Variants in HS6ST2 observed in about 807,000 individuals in gnomAD.
HS6ST2 encodes the protein heparan-sulfate 6-O-sulfotransferase 2.
HS6ST2 carries 17 observed loss-of-function variants against 33.0 expected under a neutral mutation model. The observed-to-expected ratio is 0.52, with a 90% CI of 0.35 to 0.77. The LOEUF is 0.77. Ranked by LOEUF, HS6ST2 falls within the 30% of genes least tolerant of loss-of-function variation. The pLI, the probability that HS6ST2 is intolerant of heterozygous loss-of-function variation, is 0.01. For synonymous variants in HS6ST2, 248 were observed against 237.1 expected (o/e 1.05, Z -0.42); for missense variants, 519 against 551.7 (o/e 0.94, Z 0.59).
At chrX:132,629,191 G>A in intron 4 of HS6ST2, 98 bp from the exon 5 acceptor site, 4 of 938,884 alleles carry the variant, frequency 4.3e-6, no homozygotes, top group Admixed American at 6.6e-5. Flanking sequence ...GGCTAAAAAG[G>A]AAGGCAAAGC....
rs2063490867 is a variant in HS6ST2, at chrX:132,628,050, TAC to T, written c.*171_*172del. 2.6e-6 allele frequency: 1 copy of T among 382,610 alleles called. No homozygotes were observed. Among genetic ancestry groups the T allele is most frequent in the African/African-American group, 2.5e-5 (1 of 40,301 alleles). 31.5% of individuals were successfully genotyped at this position (382,610 alleles called of 1,213,427 possible). ...ATTCCATATTGAGATTTGTTTTACC[TAC>T]ACACAGTATAACACTGAATTGAAAG... On this transcript the variant is annotated 3_prime_UTR_variant, in exon 5 of 5. Coordinates refer to ENST00000370833, the MANE Select transcript of HS6ST2 (RefSeq NM_001394073.1).
intron 4 of HS6ST2, among the ~76,000 whole-genome samples, chrX:132,629,891 A>G (rs1284509925): frequency 8.9e-6 from 1 of 112,545 alleles, no homozygotes; most frequent in Non-Finnish European, 1.9e-5. Flanking sequence ...CTCTATCAGC[A>G]GCTTCAAAAT....
intron 2 of HS6ST2, among the ~76,000 whole-genome samples, chrX:132,902,092 C>G (rs1378234265): frequency 9.2e-6 from 1 of 108,525 alleles, no homozygotes. Flanking sequence ...ACCAGTGACA[C>G]ATATCACTCA....
At chrX:132,732,092 T>C (rs1337350749) in intron 2 of HS6ST2, among the ~76,000 whole-genome samples, 2 of 112,398 alleles carry the variant, frequency 1.8e-5, no homozygotes, top group Non-Finnish European at 3.8e-5. Context: ...AATTTTACTA[T>C]GTTAAGGTTA....
At chrX:132,812,405 A>AAAT (rs55880539) in intron 2 of HS6ST2, among the ~76,000 whole-genome samples, 24,545 of 84,576 alleles carry the variant, frequency 0.29, 3,285 homozygotes, top group Admixed American at 0.47. Flanking sequence ...ACTCTGTCTC[A>AAAT]AATAATAATA....
chrX:132,899,395 G>A (rs1484851321), intron 2 of HS6ST2, among the ~76,000 whole-genome samples: 1 of 111,522 alleles, frequency 9.0e-6, no homozygotes, highest in East Asian at 2.8e-4. Context: ...CCATTTAATA[G>A]GGGAGCTAGA....
chrX:132,705,833 T>C (rs1167746184), intron 3 of HS6ST2, among the ~76,000 whole-genome samples: 1 of 111,933 alleles, frequency 8.9e-6, no homozygotes, highest in Non-Finnish European at 1.9e-5. Flanking sequence ...AGGTAATCTA[T>C]GCATGAAGGA....
In HS6ST2 at chrX:132,808,158, G is replaced by C. The variant is rs146038822; in HGVS notation, c.948-99664C>G. The stretch of plus-strand genomic sequence containing the variant: ...AAAATCACTATCTGAATAAGACACA[G>C]GATGAATAAAAACAAGAGAGATATA... On this transcript the variant is annotated intron_variant, in intron 2 of 4. Transcript: ENST00000370833. Among the ~76,000 whole-genome samples the C allele has an allele frequency of 7.0e-3, 784 of 111,285 alleles. 5 individuals carry two copies. Among genetic ancestry groups the C allele is most frequent in the African/African-American group, 0.025 (757 of 30,617 alleles).
At chrX:132,734,909 G>A (rs145288446) in intron 2 of HS6ST2, among the ~76,000 whole-genome samples, 1,191 of 109,828 alleles carry the variant, frequency 0.011, 8 homozygotes, top group Non-Finnish European at 0.016. Flanking sequence ...GATCTGCAAA[G>A]ATACAGTATG....
chrX:132,748,073 C>G (rs1299693822), intron 2 of HS6ST2, among the ~76,000 whole-genome samples: 1 of 111,518 alleles, frequency 9.0e-6, no homozygotes, highest in Non-Finnish European at 1.9e-5. Context: ...CAAATATTTT[C>G]TTTCTTCCCC....
intron 2 of HS6ST2, among the ~76,000 whole-genome samples, chrX:132,745,239 C>T (rs1220544725): frequency 9.0e-6 from 1 of 111,565 alleles, no homozygotes; most frequent in African/African-American, 3.3e-5. Flanking sequence ...GAGCACATCA[C>T]TGTGCCCAGC....
At chrX:132,654,576 A>G (rs940383993) in intron 4 of HS6ST2, among the ~76,000 whole-genome samples, 1 of 112,306 alleles carries the variant, frequency 8.9e-6, no homozygotes, top group African/African-American at 3.2e-5. Flanking sequence ...AGGAGGAAGA[A>G]TACTTCTTTA....
chrX:132,813,942 A>AATTT (rs759183613), intron 2 of HS6ST2, among the ~76,000 whole-genome samples: 1,424 of 111,118 alleles, frequency 0.013, 34 homozygotes, highest in African/African-American at 0.043. Flanking sequence ...TATTTAATTT[A>AATTT]ATTTATTTAT....
intron 2 of HS6ST2, among the ~76,000 whole-genome samples, chrX:132,760,853 G>A (rs1366870760): frequency 9.0e-6 from 1 of 111,112 alleles, no homozygotes; most frequent in East Asian, 2.8e-4. Context: ...TTTGAGGCCC[G>A]GGCCAAAGGC....
chrX:132,926,116 A>T (rs1463576795), intron 2 of HS6ST2, among the ~76,000 whole-genome samples: 1 of 112,657 alleles, frequency 8.9e-6, no homozygotes, highest in African/African-American at 3.2e-5. Flanking sequence ...ACAATATTAA[A>T]TTTTTTACTC....
At chrX:132,947,234 T>C (rs1232973533) in intron 2 of HS6ST2, among the ~76,000 whole-genome samples, 1 of 110,165 alleles carries the variant, frequency 9.1e-6, no homozygotes, top group African/African-American at 3.3e-5. Context: ...TGTGTGCGTG[T>C]ATGTGTGTGT....
chrX:132,683,092 C>T (rs1430180393), intron 3 of HS6ST2, among the ~76,000 whole-genome samples: 1 of 110,941 alleles, frequency 9.0e-6, no homozygotes, highest in African/African-American at 3.3e-5. Context: ...CCAGCCTGGG[C>T]GACAGGGTGA....
At chrX:132,889,352 T>G (rs2066283631) in intron 2 of HS6ST2, among the ~76,000 whole-genome samples, 1 of 111,450 alleles carries the variant, frequency 9.0e-6, no homozygotes, top group Non-Finnish European at 1.9e-5. Flanking sequence ...TTTGGAATTA[T>G]GAGTCATCTG....
chrX:132,848,858 C>T (rs1038626459), intron 2 of HS6ST2, among the ~76,000 whole-genome samples: 1 of 111,664 alleles, frequency 9.0e-6, no homozygotes, highest in African/African-American at 3.3e-5. Flanking sequence ...AAGATGCATG[C>T]TTACAGAGTC....
Sources: allele counts gnomAD v4.1 joint callset (sites outside exome capture counted in the v4.1 genomes callset), GRCh38; gene constraint gnomAD v4.1.1; transcripts MANE v1.5; gene names NCBI Gene and HGNC (gene_info 2026-07-23, HGNC 2026-07-21).